GPR146: variants seen among roughly 807,000 people sequenced by gnomAD.
The protein encoded by GPR146 is G-protein coupled receptor 146.
For missense variants in GPR146, 381 were observed against 213.9 expected (o/e 1.78, Z -4.87); for synonymous variants, 203 against 104.3 (o/e 1.95, Z -5.77).
chr7:1,058,712 C>T lies in GPR146; in HGVS notation c.*195C>T. On this transcript the variant is annotated 3_prime_UTR_variant, in exon 2 of 2. Coordinates refer to ENST00000444847, the MANE Select transcript of GPR146 (RefSeq NM_001303473.2). ...TGTGGTCCCCGTGGCTGGCATCTGG[C>T]TTGAGTCTCCCCGAGGCCTGTGCGT... The T allele has an allele frequency of 1.7e-6, 1 of 599,968 alleles. No homozygotes were observed. The highest frequency in any genetic ancestry group is 2.1e-5 in the South Asian group (1 of 47,912). 37.2% of individuals were successfully genotyped at this position (599,968 alleles called of 1,614,324 possible). A position where few individuals can be genotyped will look rare whatever the true frequency, so the allele number is the denominator to read the frequency against.
chr7:1,045,180 G>A (rs1166697175), intron 1 of GPR146, among the ~76,000 whole-genome samples: 1 of 152,248 alleles, frequency 6.6e-6, no homozygotes, highest in Non-Finnish European at 1.5e-5. Flanking sequence ...ACCAGCAGCA[G>A]AAAACCCACT....
At chr7:1,053,940 C>T (rs1289841539) in intron 1 of GPR146, among the ~76,000 whole-genome samples, 3 of 152,244 alleles carry the variant, frequency 2.0e-5, no homozygotes, top group African/African-American at 4.8e-5. Flanking sequence ...AGGGCACTCC[C>T]AGGGACCCTG....
At chr7:1,045,651 C>G (rs1782509098) in intron 1 of GPR146, 1 of 152,266 alleles carries the variant, frequency 6.6e-6, no homozygotes, top group African/African-American at 2.4e-5. Flanking sequence ...GAAGTGCACA[C>G]TCACAGTACC....
chr7:1,046,646 C>T lies in GPR146; in HGVS notation c.-25+1988C>T, dbSNP rs575623274. 6.2e-4 allele frequency among the ~76,000 whole-genome samples: 95 copies of T among 152,270 alleles called. 1 individual carries two copies. Among genetic ancestry groups the T allele is most frequent in the Non-Finnish European group, 1.2e-3 (81 of 68,012 alleles). On this transcript the variant is annotated intron_variant, in intron 1 of 1. Coordinates refer to ENST00000444847, the MANE Select transcript of GPR146 (RefSeq NM_001303473.2). Reference sequence around the variant, plus strand: ...GGACCAGAAGTCAGTTTCTTAGGAGCGTGCTGTCTACCCAGGAGCCTCCGT... The same window carrying T: ...GGACCAGAAGTCAGTTTCTTAGGAGTGTGCTGTCTACCCAGGAGCCTCCGT...
chr7:1,053,961 G>C (rs577377864), intron 1 of GPR146, among the ~76,000 whole-genome samples: 2 of 152,190 alleles, frequency 1.3e-5, no homozygotes, highest in Admixed American at 1.3e-4. Flanking sequence ...TTCCTACCAC[G>C]AGCCAGAGAG....
At chr7:1,049,279 T>A (rs866953309) in intron 1 of GPR146, among the ~76,000 whole-genome samples, 1 of 152,208 alleles carries the variant, frequency 6.6e-6, no homozygotes, top group Non-Finnish European at 1.5e-5. Context: ...CCTTTATATG[T>A]GGGGAGGAGG....
At chr7:1,055,223 G>A in intron 1 of GPR146, 1 of 470,882 alleles carries the variant, frequency 2.1e-6, no homozygotes, top group South Asian at 1.5e-5. Flanking sequence ...CAGCAGGAGG[G>A]AGGGGCGGTG....
chr7:1,055,367 AGCGCAGCAGC>A (rs1783621313), intron 1 of GPR146: 2 of 470,690 alleles, frequency 4.2e-6, no homozygotes, highest in Admixed American at 2.3e-5. Flanking sequence ...TTTGCAGAGA[AGCGCAGCAGC>A]GCGCAGGTCC....
intron 1 of GPR146, chr7:1,055,511 G>A (rs1783639242): frequency 4.4e-6 from 2 of 451,820 alleles, no homozygotes; most frequent in South Asian, 1.6e-5. Flanking sequence ...CCGCAGGTGG[G>A]AGAGGGGACG....
chr7:1,053,946 C>T (rs926896641), intron 1 of GPR146, among the ~76,000 whole-genome samples: 1 of 152,254 alleles, frequency 6.6e-6, no homozygotes, highest in Non-Finnish European at 1.5e-5. Context: ...CTCCCAGGGA[C>T]CCTGTTCCTA....
intron 1 of GPR146, chr7:1,045,770 AG>A (rs1215853682): frequency 4.6e-5 from 7 of 152,276 alleles, no homozygotes; most frequent in Non-Finnish European, 7.3e-5. Flanking sequence ...AAGTGACTTA[AG>A]AACATAGTTT....
chr7:1,057,033 C>T (rs1783866781), intron 1 of GPR146, among the ~76,000 whole-genome samples: 3 of 152,128 alleles, frequency 2.0e-5, no homozygotes. Flanking sequence ...CTCCAAGGCA[C>T]CGGGTCCTGA....
chr7:1,058,896 G>A lies in GPR146; in HGVS notation c.*379G>A. The A allele has an allele frequency of 4.8e-6, 1 of 208,610 alleles. No homozygotes were observed. The highest frequency in any genetic ancestry group is 1.3e-4 in the South Asian group (1 of 7,646). The allele number at this position is 208,610 out of a possible 1,614,324, so 12.9% of individuals were successfully genotyped here. On this transcript the variant is annotated 3_prime_UTR_variant, in exon 2 of 2. Coordinates refer to ENST00000444847, the MANE Select transcript of GPR146 (RefSeq NM_001303473.2). ...CCCCCTTGTTTGTTTTACAAAAACA[G>A]ATGTTTCCTAGAAAAATGACAAATA...
chr7:1,058,286 G>C lies in GPR146; in HGVS notation c.771G>C (p.Thr257=). 1.3e-6 allele frequency: 1 copy of C among 773,740 alleles called. No individual in the cohort carries two copies. Among genetic ancestry groups the C allele is most frequent in the Non-Finnish European group, 2.4e-6 (1 of 418,040 alleles). The allele number at this position is 773,740 out of a possible 1,614,324, so 47.9% of individuals were successfully genotyped here. A position where few individuals can be genotyped will look rare whatever the true frequency, so the allele number is the denominator to read the frequency against. The part of the protein sequence containing the change: ...TPHYLILLGH[T]VIISRGKPVD... ...ACTATCTGATCCTGCTGGGGCACACGGTCATCATCTCGCGAGGGAAGCCCG... is the reference window on the plus strand; with the variant it reads ...ACTATCTGATCCTGCTGGGGCACACCGTCATCATCTCGCGAGGGAAGCCCG... The change falls in exon 2 of 2, where the codon ACG becomes ACC. Residue 257 remains threonine, a synonymous_variant. Transcript: ENST00000444847.
At chr7:1,045,623 C>T (rs1004289845) in intron 1 of GPR146, 15 of 152,216 alleles carry the variant, frequency 9.9e-5, no homozygotes, top group African/African-American at 3.6e-4. Flanking sequence ...TGAACGGAGG[C>T]ACTGTTAATA....
In GPR146 at chr7:1,058,269, A is replaced by T. The variant is rs749577191; in HGVS notation, c.754A>T (p.Ile252Phe). ...QFGLWTPHYL[I>F]LLGHTVIISR... ...TGGGCTCTGGACGCCACACTATCTG[A>T]TCCTGCTGGGGCACACGGTCATCAT... Residue 252 changes from isoleucine (I) to phenylalanine (F), a missense_variant, in exon 2 of 2, where the codon ATC (isoleucine) becomes TTC (phenylalanine). Coordinates refer to ENST00000444847, the MANE Select transcript of GPR146 (RefSeq NM_001303473.2). 2.1e-5 allele frequency: 16 copies of T among 772,312 alleles called. No homozygotes were observed. The highest frequency in any genetic ancestry group is 1.9e-5 in the Non-Finnish European group (8 of 417,994). 47.8% of individuals were successfully genotyped at this position (772,312 alleles called of 1,614,324 possible). A position where few individuals can be genotyped will look rare whatever the true frequency, so the allele number is the denominator to read the frequency against.
chr7:1,053,802 G>C (rs1442854976), intron 1 of GPR146, among the ~76,000 whole-genome samples: 1 of 152,148 alleles, frequency 6.6e-6, no homozygotes, highest in Non-Finnish European at 1.5e-5. Context: ...ACTCCAGCCT[G>C]GGCAACAGAG....
chr7:1,056,978 T>C (rs1486495793), intron 1 of GPR146: 1 of 161,614 alleles, frequency 6.2e-6, no homozygotes, highest in Non-Finnish European at 1.4e-5. Flanking sequence ...TCCTGTGGGC[T>C]GCGACCCACA....
intron 1 of GPR146, among the ~76,000 whole-genome samples, chr7:1,049,117 C>T (rs1782858847): frequency 6.6e-6 from 1 of 152,214 alleles, no homozygotes; most frequent in African/African-American, 2.4e-5. Flanking sequence ...ACAGGTGCGT[C>T]CTGGGGGCTG....
Sources: gnomAD v4.1 joint callset for allele counts (sites outside exome capture counted in the v4.1 genomes callset) on GRCh38, gnomAD v4.1.1 for gene constraint, MANE v1.5 for transcripts, NCBI Gene and HGNC (gene_info 2026-07-23, HGNC 2026-07-21) for gene names.